Variants in FAM13B observed in about 807,000 individuals in gnomAD.
The protein encoded by FAM13B is protein FAM13B.
FAM13B carries 60 observed loss-of-function variants against 117.3 expected under a neutral mutation model. That is an observed-to-expected ratio of 0.51 (90% confidence interval 0.42 to 0.63). The LOEUF is 0.63. FAM13B is among the 30% of genes least tolerant of loss of function. The pLI is 0.00. For synonymous variants in FAM13B, 332 were observed against 356.1 expected (o/e 0.93, Z 0.76); for missense variants, 972 against 1,091.9 (o/e 0.89, Z 1.55).
chr5:138,039,188 G>T (rs1791393564), intron 1 of FAM13B: 1 of 152,044 alleles, frequency 6.6e-6, no homozygotes, highest in South Asian at 2.1e-4. Flanking sequence ...TCCACAATCA[G>T]AACTTTTATT....
In FAM13B at chr5:137,969,478, G is replaced by A. The variant is rs1428989143; in HGVS notation, c.1180-7009C>T. The stretch of plus-strand genomic sequence containing the variant: ...CATCTGTACATCACCATCATCAAAG[G>A]CCAAAGGTAGATAAAACCACAAAGA... On this transcript the variant is annotated intron_variant, in intron 10 of 23. Transcript: ENST00000689681. 4.6e-5 allele frequency among the ~76,000 whole-genome samples: 7 copies of A among 152,246 alleles called. No homozygotes were observed. The East Asian group carries it at 1.4e-3, about 29-fold the overall frequency.
intron 10 of FAM13B, among the ~76,000 whole-genome samples, chr5:137,979,425 T>C (rs1193215779): frequency 1.3e-5 from 2 of 152,196 alleles, no homozygotes; most frequent in Admixed American, 6.5e-5. Flanking sequence ...AAAAACCTTC[T>C]TCCTAAAATA....
intron 13 of FAM13B, among the ~76,000 whole-genome samples, chr5:137,959,402 A>G (rs990322921): frequency 6.6e-6 from 1 of 152,198 alleles, no homozygotes; most frequent in Non-Finnish European, 1.5e-5. Context: ...CTGTTGATGG[A>G]TCAGACAAGA....
chr5:137,988,970 T>C (rs1777932257), intron 7 of FAM13B, among the ~76,000 whole-genome samples: 1 of 152,232 alleles, frequency 6.6e-6, no homozygotes, highest in Non-Finnish European at 1.5e-5. Context: ...GAAAATTAGT[T>C]GTACTGGATT....
intron 1 of FAM13B, among the ~76,000 whole-genome samples, chr5:138,023,591 TTTC>T (rs1203789162): frequency 1.3e-5 from 2 of 152,168 alleles, no homozygotes; most frequent in Non-Finnish European, 2.9e-5. Context: ...CCATAGTCTT[TTTC>T]TTTTTTTGAG....
intron 10 of FAM13B, among the ~76,000 whole-genome samples, chr5:137,966,488 T>TATATAGAGAGAG (rs1461425784): frequency 1.6e-3 from 46 of 29,458 alleles, no homozygotes; most frequent in African/African-American, 3.1e-3. Context: ...TATATATATA[T>TATATAGAGAGAG]AGAGAGAGAG....
rs370600728 is a variant in FAM13B, at chr5:137,962,948, G to A, written c.1180-479C>T. On this transcript the variant is annotated intron_variant, in intron 10 of 23. Coordinates refer to ENST00000689681, the MANE Select transcript of FAM13B (RefSeq NM_001385994.1). ...TGAGAAAACTCTCCCATTTTCCAAC[G>A]AGCTTAGTGACACCATCTCATCCCT... 1.5e-3 allele frequency among the ~76,000 whole-genome samples: 223 copies of A among 152,058 alleles called. 4 individuals are homozygous for A. The South Asian group carries it at 0.015, about 10-fold the overall frequency.
At chr5:138,005,205 C>G (rs1425011256) in intron 7 of FAM13B, among the ~76,000 whole-genome samples, 1 of 152,058 alleles carries the variant, frequency 6.6e-6, no homozygotes, top group African/African-American at 2.4e-5. Flanking sequence ...CCATTGCACT[C>G]CTGCCTGGGT....
rs552793719 is a variant in FAM13B at position 138,041,777 on chromosome 5, A to C, written c.-203+10101T>G. The stretch of plus-strand genomic sequence containing the variant: ...CATAGCAAGACCCCATCTCAAAAAA[A>C]AAAATTGGGGGTGGGGGGTGGTACT... On this transcript the variant is annotated intron_variant, in intron 1 of 3. Transcript: ENST00000502471. 5.3e-5 allele frequency among the ~76,000 whole-genome samples: 8 copies of C among 152,166 alleles called. No individual in the cohort carries two copies. In the South Asian group the frequency reaches 1.7e-3, roughly 32 times the overall value.
At chr5:137,957,316 C>T (rs1042660103) in intron 13 of FAM13B, among the ~76,000 whole-genome samples, 16 of 152,196 alleles carry the variant, frequency 1.1e-4, no homozygotes, top group African/African-American at 3.6e-4. Context: ...CCAAGGCGGG[C>T]GGATCACCCG....
intron 4 of FAM13B, among the ~76,000 whole-genome samples, chr5:138,015,928 T>C (rs1363216573): frequency 6.6e-6 from 1 of 152,232 alleles, no homozygotes; most frequent in Non-Finnish European, 1.5e-5. Flanking sequence ...ATTATCTATG[T>C]ATAAGTGGAA....
intron 1 of FAM13B, among the ~76,000 whole-genome samples, chr5:138,050,289 T>C (rs1791762553): frequency 6.6e-6 from 1 of 151,948 alleles, no homozygotes. Flanking sequence ...AATAAAAAAT[T>C]GGCCAGGCGT....
At chr5:138,010,271 A>G (rs1192615822) in intron 6 of FAM13B, among the ~76,000 whole-genome samples, 1 of 152,074 alleles carries the variant, frequency 6.6e-6, no homozygotes, top group Non-Finnish European at 1.5e-5. Context: ...ATGAGCCACC[A>G]CGCCTGGCCT....
At chr5:137,964,776 G>C (rs1257857248) in intron 10 of FAM13B, among the ~76,000 whole-genome samples, 5 of 152,018 alleles carry the variant, frequency 3.3e-5, no homozygotes, top group Non-Finnish European at 7.4e-5. Context: ...TCAAGCCCTA[G>C]CTCTGCCTTT....
chr5:137,946,155 T>C (rs1485646410), intron 19 of FAM13B, 73 bp downstream of exon 19: 9 of 1,379,600 alleles, frequency 6.5e-6, no homozygotes, highest in Non-Finnish European at 9.1e-6. Context: ...CCCTGAAGAA[T>C]GTAGGCCACA....
In FAM13B at chr5:137,947,668, G is replaced by A. The variant is rs555517860; in HGVS notation, c.2160+1287C>T. Reference sequence around the variant, plus strand: ...GCAATCCTGGCTCACCGCAACCTCCGTCTCCCAGGTTCAAGCAATTCTTCT... The same window carrying A: ...GCAATCCTGGCTCACCGCAACCTCCATCTCCCAGGTTCAAGCAATTCTTCT... On this transcript the variant is annotated intron_variant, in intron 18 of 23. Coordinates refer to ENST00000689681, the MANE Select transcript of FAM13B (RefSeq NM_001385994.1). 1.4e-4 allele frequency among the ~76,000 whole-genome samples: 22 copies of A among 151,762 alleles called. 1 individual carries two copies. The highest frequency in any genetic ancestry group is 9.2e-4 in the Admixed American group (14 of 15,224).
upstream of FAM13B, among the ~76,000 whole-genome samples, chr5:138,037,446 C>T (rs182897746): frequency 1.3e-5 from 2 of 150,798 alleles, no homozygotes; most frequent in Admixed American, 1.3e-4. Flanking sequence ...AGGACCTCAG[C>T]ATATCTGCCT....
chr5:138,001,455 C>T lies in FAM13B; in HGVS notation c.848+5535G>A, dbSNP rs187587377. ...CTGTCTCAGAACACTGACACATTTGCTATATATGTAATTTTAATCATATTA... is the reference window on the plus strand; with the variant it reads ...CTGTCTCAGAACACTGACACATTTGTTATATATGTAATTTTAATCATATTA... On this transcript the variant is annotated intron_variant, in intron 7 of 23. Transcript: ENST00000689681. Among the ~76,000 whole-genome samples the T allele has an allele frequency of 4.7e-4, 71 of 152,194 alleles. 2 individuals carry two copies. In the East Asian group the frequency reaches 0.014, roughly 29 times the overall value.
intron 1 of FAM13B, among the ~76,000 whole-genome samples, chr5:138,026,514 C>A (rs192050732): frequency 6.7e-6 from 1 of 150,304 alleles, no homozygotes; most frequent in African/African-American, 2.5e-5. Context: ...GCAGTCCCAG[C>A]TACTCGGGAG....
Sources: allele counts gnomAD v4.1 joint callset (sites outside exome capture counted in the v4.1 genomes callset), GRCh38; gene constraint gnomAD v4.1.1; transcripts MANE v1.5; gene names NCBI Gene and HGNC (gene_info 2026-07-23, HGNC 2026-07-21).